Variants in FUS observed in about 807,000 individuals in gnomAD.
The protein encoded by FUS is RNA-binding protein FUS.
Under a neutral mutation model 82.7 loss-of-function variants are expected in FUS, and 5 were observed. The ratio of observed to expected loss-of-function variants is 0.06; its 90% CI spans 0.03 to 0.13. FUS has a LOEUF of 0.13. FUS is among the 10% of genes least tolerant of loss of function. FUS has a pLI of 1.00. For synonymous variants in FUS, 281 were observed against 247.4 expected, an observed-to-expected ratio of 1.14 and a Z score of -1.27; for missense variants, 512 against 707.8, an observed-to-expected ratio of 0.72 and a Z score of 3.14.
intron 8 of FUS, chr16:31,188,735 T>C: frequency 2.1e-6 from 1 of 468,172 alleles, no homozygotes; most frequent in Non-Finnish European, 3.8e-6. Context: ...AGTAAAGCAT[T>C]GAACTCCTGT....
At chr16:31,193,043 A>G (rs746416933), downstream of FUS, 1 of 484,514 alleles carries the variant, frequency 2.1e-6, no homozygotes, top group South Asian at 1.5e-5. Context: ...GCTTACCGCA[A>G]CTGCCGCCTC....
At chr16:31,186,296 G>A (rs2079268723) in intron 6 of FUS, 1 of 303,028 alleles carries the variant, frequency 3.3e-6, no homozygotes, top group East Asian at 4.9e-5. Flanking sequence ...GCTTAGCTAA[G>A]TTTGTCTTGC....
At chr16:31,186,598 C>T (rs181168754) in intron 6 of FUS, 1 of 615,646 alleles carries the variant, frequency 1.6e-6, no homozygotes, top group East Asian at 2.8e-5. Flanking sequence ...TCTTTATAAA[C>T]TGTGTCTGAG....
chr16:31,187,574 G>A, intron 7 of FUS: 1 of 230,276 alleles, frequency 4.3e-6, no homozygotes, highest in Non-Finnish European at 8.6e-6. Flanking sequence ...TTCTGGTTTG[G>A]TTAACAAAAG....
At chr16:31,186,654 T>G in intron 6 of FUS, 148 bp from the exon 7 acceptor site, 1 of 720,458 alleles carries the variant, frequency 1.4e-6, no homozygotes, top group Non-Finnish European at 2.5e-6. Flanking sequence ...AGACAAGGGG[T>G]GGTCAGGAAG....
intron 1 of FUS, among the ~76,000 whole-genome samples, chr16:31,181,893 C>G (rs1055531305): frequency 6.6e-6 from 1 of 152,162 alleles, no homozygotes; most frequent in Admixed American, 6.5e-5. Context: ...CTTGCATTTT[C>G]TTCACTTTTT....
intron 8 of FUS, 128 bp from the exon 9 acceptor site, chr16:31,188,995 T>C (rs970523905): frequency 1.3e-6 from 1 of 751,130 alleles, no homozygotes; most frequent in African/African-American, 1.7e-5. Context: ...GGGATGTGGA[T>C]TTCTTTTTAG....
Position 31,180,267 on chromosome 16 carries a change from C to T in FUS, c.13+40C>T, listed in dbSNP as rs748080106. 2.1e-5 allele frequency: 33 copies of T among 1,591,504 alleles called. No homozygotes were observed. The Admixed American group carries it at 5.3e-4, about 26-fold the overall frequency. Reference sequence around the variant, plus strand: ...GAGGCGACGGCGGCGGCGCACCCGGCCGAGGCCTCCCAGCTGGGCTTTTCG... The same window carrying T: ...GAGGCGACGGCGGCGGCGCACCCGGTCGAGGCCTCCCAGCTGGGCTTTTCG... On this transcript the variant is annotated intron_variant, in intron 1 of 14. Coordinates refer to ENST00000254108, the MANE Select transcript of FUS (RefSeq NM_004960.4).
chr16:31,180,125 C>G, upstream of FUS: 1 of 1,551,786 alleles, frequency 6.4e-7, no homozygotes, highest in Non-Finnish European at 8.8e-7. Flanking sequence ...AGCTTCGACG[C>G]AGGAGGCGGG....
chr16:31,189,589 A>G (rs1230552657), intron 9 of FUS, 76 bp from the exon 10 acceptor site: 6 of 1,600,526 alleles, frequency 3.7e-6, no homozygotes, highest in South Asian at 1.1e-5. Context: ...TATAAACCTC[A>G]TGTTCTAGAG....
intron 3 of FUS, 181 bp from the exon 4 acceptor site, chr16:31,183,677 T>C: frequency 1.4e-6 from 1 of 716,298 alleles, no homozygotes; most frequent in South Asian, 1.6e-5. Flanking sequence ...TTGGTAGAAG[T>C]TGAAGCATTA....
chr16:31,185,155 G>A lies in FUS; in HGVS notation c.740G>A (p.Gly247Asp). ...GGYEPRGRGGGRGGRGGMGGS... is the reference protein window; with the variant it reads ...GGYEPRGRGGDRGGRGGMGGS... ...TATGAACCCAGAGGTCGTGGAGGTG[G>A]CCGTGGAGGCAGAGGTGGCATGGGG... is the stretch of plus-strand genomic sequence containing the variant. The change falls in exon 6 of 15, where the codon GGC (glycine) becomes GAC (aspartate). Residue 247 changes from glycine (G) to aspartate (D), a missense_variant. Transcript: ENST00000254108. 1 of 1,610,498 alleles carries A rather than the reference G, an allele frequency of 6.2e-7. No homozygotes were observed. The highest frequency in any genetic ancestry group is 8.5e-7 in the Non-Finnish European group (1 of 1,178,254).
chr16:31,188,626 G>A (rs2079307686), intron 8 of FUS: 7 of 566,940 alleles, frequency 1.2e-5, no homozygotes, highest in Admixed American at 6.5e-5. Context: ...ATGCTGATGC[G>A]TCTGGACCAC....
downstream of FUS, chr16:31,192,315 A>G (rs1268279722): frequency 1.9e-6 from 1 of 526,978 alleles, no homozygotes; most frequent in African/African-American, 1.9e-5. Flanking sequence ...GGTTGCAGCC[A>G]ATGAGTTAAA....
chr16:31,191,486 G>A lies in FUS; in HGVS notation c.*48G>A, dbSNP rs376510148. On this transcript the variant is annotated 3_prime_UTR_variant, in exon 15 of 15. Transcript: ENST00000254108. ...GGAACAGCTTTTTGTCCTGTACCCA[G>A]TGTTACCCTCGTTATTTTGTAACCT... 1.6e-4 allele frequency: 261 copies of A among 1,595,454 alleles called. No homozygotes were observed. Among genetic ancestry groups the A allele is most frequent in the Non-Finnish European group, 2.0e-4 (227 of 1,163,684 alleles).
Position 31,184,964 on chromosome 16 carries a change from C to T in FUS, c.549C>T (p.Ser183=). 1.2e-6 allele frequency: 2 copies of T among 1,613,828 alleles called. No homozygotes were observed. Among genetic ancestry groups the T allele is most frequent in the South Asian group, 1.1e-5 (1 of 91,060 alleles). The change falls in exon 6 of 15, where the codon TCC becomes TCT. Residue 183 remains serine, a synonymous_variant. Transcript: ENST00000254108. ...GGGNYGQDQS[S]MSSGGGSGGG... is the part of the protein sequence containing the mutation. ...GTAACTATGGCCAAGATCAATCCTCCATGAGTAGTGGTGGTGGCAGTGGTG... is the reference window on the plus strand; with the variant it reads ...GTAACTATGGCCAAGATCAATCCTCTATGAGTAGTGGTGGTGGCAGTGGTG...
At chr16:31,184,690 GC>G (rs1400993285) in intron 5 of FUS, among the ~76,000 whole-genome samples, 6 of 151,982 alleles carry the variant, frequency 3.9e-5, no homozygotes, top group Admixed American at 3.9e-4. Context: ...TGATCCGCCC[GC>G]CTTGGCCTCC....
intron 8 of FUS, 64 bp downstream of exon 8, chr16:31,188,421 C>T (rs956099584): frequency 8.5e-6 from 13 of 1,534,106 alleles, no homozygotes; most frequent in Admixed American, 1.7e-5. Context: ...CCTGGATGTT[C>T]TTTGAAACTA....
chr16:31,184,801 C>T, intron 5 of FUS, 138 bp from the exon 6 acceptor site: 1 of 890,216 alleles, frequency 1.1e-6, no homozygotes, highest in Non-Finnish European at 1.8e-6. Context: ...AAAGAGGGTT[C>T]CTGTCTTGTT....
Sources: allele counts gnomAD v4.1 joint callset (sites outside exome capture counted in the v4.1 genomes callset), GRCh38; gene constraint gnomAD v4.1.1; transcripts MANE v1.5; gene names NCBI Gene and HGNC (gene_info 2026-07-23, HGNC 2026-07-21).